The following ADCY7 variants were observed in gnomAD, a reference collection of about 807,000 sequenced individuals.
ADCY7 encodes adenylate cyclase type 7.
Under a neutral mutation model 120.6 loss-of-function variants are expected in ADCY7, and 72 were observed. The observed-to-expected ratio is 0.60, with a 90% CI of 0.49 to 0.73. The LOEUF (loss-of-function observed/expected upper bound fraction) is 0.73, where lower values mean the gene tolerates loss of function less well. ADCY7 is among the 30% of genes least tolerant of loss of function. The pLI, the probability that ADCY7 is intolerant of heterozygous loss-of-function variation, is 0.00. For synonymous variants in ADCY7, 661 were observed against 628.0 expected (o/e 1.05, Z -0.78); for missense variants, 1,227 against 1,486.0 (o/e 0.83, Z 2.87).
chr16:50,270,946 G>C (rs890947582), intron 1 of ADCY7, among the ~76,000 whole-genome samples: 1 of 152,134 alleles, frequency 6.6e-6, no homozygotes, highest in Admixed American at 6.5e-5. Context: ...CCCCACCAAG[G>C]ACAGTAGCAT....
intron 10 of ADCY7, among the ~76,000 whole-genome samples, chr16:50,303,500 T>A (rs1377193386): frequency 6.6e-6 from 1 of 152,198 alleles, no homozygotes; most frequent in African/African-American, 2.4e-5. Flanking sequence ...TGGAGCCCGC[T>A]TAAGCTCATC....
chr16:50,310,948 A>C, intron 19 of ADCY7, 68 bp downstream of exon 19: 1 of 1,451,462 alleles, frequency 6.9e-7, no homozygotes, highest in Non-Finnish European at 9.2e-7. Flanking sequence ...GCCTGCTCGC[A>C]CCAAGGGGCT....
chr16:50,314,401 GC>G lies in ADCY7; in HGVS notation c.2967del (p.Val990SerfsTer3). ...NRHSFNSFRL[R>X]VGINHGPVIA... The stretch of plus-strand genomic sequence containing the variant: ...CACTCCTTCAACTCCTTCCGCCTCC[GC>G]GTCGGTGAGCCCGGGTGATGGAGCG... On this transcript the variant is annotated frameshift_variant, in exon 24 of 26. Coordinates refer to ENST00000673801, the MANE Select transcript of ADCY7 (RefSeq NM_001114.5). LOFTEE classifies it high-confidence loss of function. The G allele has an allele frequency of 1.2e-6, 2 of 1,613,212 alleles. No individual in the cohort carries two copies. Among genetic ancestry groups the G allele is most frequent in the Non-Finnish European group, 1.7e-6 (2 of 1,179,896 alleles).
At chr16:50,305,609 A>AC (rs746042309) in intron 13 of ADCY7, 23 bp downstream of exon 13, 3 of 1,575,362 alleles carry the variant, frequency 1.9e-6, no homozygotes, top group East Asian at 2.2e-5. Context: ...ACCTCTGTCC[A>AC]CCCCCCTCTC....
chr16:50,312,579 C>A (rs565946800), intron 21 of ADCY7, among the ~76,000 whole-genome samples: 1 of 152,166 alleles, frequency 6.6e-6, no homozygotes, highest in Non-Finnish European at 1.5e-5. Context: ...AGATAGGAAA[C>A]GGAGGCCCAG....
chr16:50,251,419 C>T (rs931548320), intron 1 of ADCY7, among the ~76,000 whole-genome samples: 7 of 152,180 alleles, frequency 4.6e-5, no homozygotes, highest in African/African-American at 1.4e-4. Flanking sequence ...CTCCTGTTGC[C>T]ATGATCCTGA....
chr16:50,309,598 C>A lies in ADCY7; in HGVS notation c.2112C>A (p.Gly704=). 6.2e-7 allele frequency: 1 copy of A among 1,613,486 alleles called. No homozygotes were observed. Among genetic ancestry groups the A allele is most frequent in the Non-Finnish European group, 8.5e-7 (1 of 1,180,018 alleles). ...VPELPVGNET[G]LLAASSKTRA... is the part of the protein sequence containing the mutation. ...AGCTGCCTGTTGGCAATGAGACAGG[C>A]CTACTGGCCGCGAGCAGCAAGACAA... The change falls in exon 18 of 26, where the codon GGC becomes GGA. Residue 704 remains glycine (G), a synonymous_variant. Transcript: ENST00000673801.
intron 15 of ADCY7, among the ~76,000 whole-genome samples, chr16:50,307,819 A>C (rs1189169035): frequency 6.6e-6 from 1 of 152,060 alleles, no homozygotes; most frequent in Non-Finnish European, 1.5e-5. Context: ...AACATGGTGA[A>C]ACCCCGTCTC....
Position 50,313,147 on chromosome 16 carries a change from G to T in ADCY7, c.2751+111G>T, listed in dbSNP as rs181536612. The T allele has an allele frequency of 5.5e-6, 8 of 1,444,696 alleles. No homozygotes were observed. In the African/African-American group the frequency reaches 9.8e-5, roughly 18 times the overall value. 89.5% of individuals were successfully genotyped at this position (1,444,696 alleles called of 1,614,324 possible). A position where few individuals can be genotyped will look rare whatever the true frequency, so the allele number is the denominator to read the frequency against. ...ATTTAAAAATGTGACACAGAGCTGG[G>T]CAAGGTGGTCTATAATCCCAGCACT... On this transcript the variant is annotated intron_variant, in intron 22 of 25. Coordinates refer to ENST00000673801, the MANE Select transcript of ADCY7 (RefSeq NM_001114.5).
At chr16:50,256,834 A>G (rs1480622035) in intron 1 of ADCY7, among the ~76,000 whole-genome samples, 1 of 152,188 alleles carries the variant, frequency 6.6e-6, no homozygotes, top group Admixed American at 6.5e-5. Flanking sequence ...TACATATCCA[A>G]AGGATTTGAA....
chr16:50,312,765 C>A, intron 21 of ADCY7, 125 bp from the exon 22 acceptor site: 3 of 820,702 alleles, frequency 3.7e-6, no homozygotes, highest in Admixed American at 2.5e-5. Flanking sequence ...GCAGCCCGCC[C>A]CCCTCCCCAC....
chr16:50,308,097 A>G (rs1015765021), intron 15 of ADCY7, among the ~76,000 whole-genome samples: 14 of 151,912 alleles, frequency 9.2e-5, no homozygotes, highest in Non-Finnish European at 1.8e-4. Context: ...CATTTCTTAT[A>G]CACTTGGACC....
chr16:50,267,657 CAG>C (rs1449004443), intron 1 of ADCY7, among the ~76,000 whole-genome samples: 1 of 149,878 alleles, frequency 6.7e-6, no homozygotes, highest in Non-Finnish European at 1.5e-5. Flanking sequence ...CAGGGAATCA[CAG>C]GGGGTTCTAG....
intron 20 of ADCY7, 120 bp downstream of exon 20, chr16:50,311,906 C>T: frequency 6.8e-7 from 1 of 1,473,754 alleles, no homozygotes; most frequent in Non-Finnish European, 9.4e-7. Context: ...AGAGTCCTGC[C>T]AGGAAAGCAC....
At chr16:50,300,997 G>A (rs914762971) in intron 9 of ADCY7, 85 bp from the exon 10 acceptor site, 1 of 1,550,506 alleles carries the variant, frequency 6.4e-7, no homozygotes, top group South Asian at 1.2e-5. Flanking sequence ...CTGGCCTGGG[G>A]CCCAGGCCTG....
At chr16:50,264,659 T>G (rs2033144502), upstream of ADCY7, among the ~76,000 whole-genome samples, 1 of 152,196 alleles carries the variant, frequency 6.6e-6, no homozygotes, top group African/African-American at 2.4e-5. Flanking sequence ...GCCATTCTAG[T>G]GGTACAGTGG....
chr16:50,291,926 A>T (rs201666269), intron 4 of ADCY7, 29 bp downstream of exon 4: 1 of 1,577,832 alleles, frequency 6.3e-7, no homozygotes, highest in East Asian at 2.3e-5. Context: ...CCTCTGGGGG[A>T]GGTTTTGTGG....
intron 8 of ADCY7, 121 bp from the exon 9 acceptor site, chr16:50,300,594 T>G: frequency 8.4e-7 from 1 of 1,192,700 alleles, no homozygotes; most frequent in Non-Finnish European, 1.2e-6. Flanking sequence ...GAACATTCTC[T>G]CCCGTGGGCT....
At chr16:50,314,135 G>A in intron 23 of ADCY7, 73 bp downstream of exon 23, 1 of 1,500,076 alleles carries the variant, frequency 6.7e-7, no homozygotes, top group Non-Finnish European at 9.2e-7. Context: ...TACTTAAAGG[G>A]TGTGCCCTTA....
Sources: gnomAD v4.1 joint callset for allele counts (sites outside exome capture counted in the v4.1 genomes callset) on GRCh38, gnomAD v4.1.1 for gene constraint, MANE v1.5 for transcripts, NCBI Gene and HGNC (gene_info 2026-07-23, HGNC 2026-07-21) for gene names.